The following DSC3 variants were observed in gnomAD, a reference collection of about 807,000 sequenced individuals.
DSC3 encodes desmocollin 3, also known as desmocollin-3.
A neutral mutation model predicts 89.5 loss-of-function variants in DSC3; 97 were observed. The observed-to-expected ratio is 1.08, with a 90% CI of 0.92 to 1.28. The LOEUF is 1.28. DSC3 is among the 50% of genes most tolerant of loss of function. DSC3 has a pLI of 0.00. For missense variants in DSC3, 1,199 were observed against 1,085.3 expected, an observed-to-expected ratio of 1.10 and a Z score of -1.47; for synonymous variants, 436 against 384.1, an observed-to-expected ratio of 1.14 and a Z score of -1.58.
chr18:31,024,885 T>A (rs2144720490), intron 5 of DSC3, among the ~76,000 whole-genome samples: 1 of 152,284 alleles, frequency 6.6e-6, no homozygotes, highest in Admixed American at 6.5e-5. Flanking sequence ...TCCCAATTTG[T>A]CACTATCAAA....
At chr18:30,994,632 A>T (rs1251479642) in intron 15 of DSC3, 1 of 611,176 alleles carries the variant, frequency 1.6e-6, no homozygotes, top group Non-Finnish European at 2.8e-6. Flanking sequence ...TCAAGTTGTC[A>T]TTAAATGCTT....
Position 31,018,199 on chromosome 18 carries a change from C to G in DSC3, c.1135G>C (p.Glu379Gln). ...GCAGTGTTAATTAAATCCTTATCTT[C>G]TATAGGTATTCGTAAGATTTCCACA... ...FNVEILRIPI[E>Q]DKDLINTANW... The change falls in exon 9 of 16, where the codon GAA becomes CAA. Residue 379 changes from glutamate to glutamine, a missense_variant. Glu to Gln is a conservative substitution (Grantham distance 29). Coordinates refer to ENST00000360428, the MANE Select transcript of DSC3 (RefSeq NM_001941.5). 1.2e-6 allele frequency: 2 copies of G among 1,612,264 alleles called. No individual in the cohort carries two copies. Among genetic ancestry groups the G allele is most frequent in the Non-Finnish European group, 1.7e-6 (2 of 1,179,042 alleles).
chr18:30,991,221 C>T lies in DSC3; in HGVS notation c.*2954G>A, dbSNP rs1029109114. The stretch of plus-strand genomic sequence containing the variant: ...TCTGTTTAAAACATTGCAAAACAAA[C>T]CCCACTGCATTTTAGACAGCTGCTT... On this transcript the variant is annotated 3_prime_UTR_variant, in exon 16 of 16. Transcript: ENST00000360428. The T allele has an allele frequency of 2.0e-5, 3 of 152,508 alleles. No homozygotes were observed. Among genetic ancestry groups the T allele is most frequent in the Admixed American group, 2.0e-4 (3 of 15,280 alleles). 9.4% of individuals were successfully genotyped at this position (152,508 alleles called of 1,614,324 possible). A position where few individuals can be genotyped will look rare whatever the true frequency, so the allele number is the denominator to read the frequency against.
intron 14 of DSC3, 131 bp downstream of exon 14, chr18:31,001,487 A>G (rs1305881089): frequency 9.8e-7 from 1 of 1,016,230 alleles, no homozygotes; most frequent in Non-Finnish European, 1.4e-6. Flanking sequence ...GAATATTGAC[A>G]GACAATATCT....
At chr18:31,030,149 A>G (rs1985732241) in intron 3 of DSC3, among the ~76,000 whole-genome samples, 1 of 152,216 alleles carries the variant, frequency 6.6e-6, no homozygotes, top group Non-Finnish European at 1.5e-5. Flanking sequence ...AAGAAGCTCT[A>G]TCCTTTGGTT....
At chr18:31,005,508 C>T (rs1984808224) in intron 12 of DSC3, among the ~76,000 whole-genome samples, 2 of 152,326 alleles carry the variant, frequency 1.3e-5, no homozygotes, top group South Asian at 4.1e-4. Context: ...ACACAAGGCC[C>T]TTCACCACCA....
At chr18:31,023,507 T>A (rs984331256) in intron 6 of DSC3, among the ~76,000 whole-genome samples, 5 of 152,184 alleles carry the variant, frequency 3.3e-5, no homozygotes, top group South Asian at 2.1e-4. Flanking sequence ...ATAATTTTTT[T>A]AAATTTTTAA....
At position 31,031,138 on chromosome 18, in the gene DSC3, G is replaced by A. The variant is rs144132725; in HGVS notation, c.189C>T (p.Leu63=). 40 of 1,613,232 alleles carry A rather than the reference G, an allele frequency of 2.5e-5. No individual in the cohort carries two copies. The highest frequency in any genetic ancestry group is 3.1e-5 in the Non-Finnish European group (37 of 1,179,778). Residue 63 remains leucine (L), a synonymous_variant, in exon 3 of 16, where the codon CTC becomes CTT. Transcript: ENST00000360428. ...TGAAATCAGGATCACTTGACCGGAT[G>A]AGGTCTGCAGACCTGAAGCACTCTT... The part of the protein sequence containing the change: ...NLEECFRSAD[L]IRSSDPDFRV...
chr18:31,025,518 C>T (rs889765511), intron 5 of DSC3, among the ~76,000 whole-genome samples: 2 of 152,076 alleles, frequency 1.3e-5, no homozygotes, highest in African/African-American at 2.4e-5. Context: ...ACATTTACAT[C>T]GAAATACTTT....
At position 30,996,801 on chromosome 18, in the gene DSC3, C is replaced by T. The variant is rs747997980; in HGVS notation, c.2483G>A (p.Arg828His). ...CCTAAGGAAACTCACTTCACCGAGA[C>T]GGGGTTGAGTAAAACTGTGCCACTC... ...YSEWHSFTQP[R>H]LGEKLHRCNQ... Residue 828 changes from arginine to histidine, a missense_variant, in exon 15 of 16, where the codon CGT becomes CAT. By Grantham distance (29) the Arg-to-His change is conservative. Transcript: ENST00000360428. 10 of 1,613,568 alleles carry T rather than the reference C, an allele frequency of 6.2e-6. No individual in the cohort carries two copies. Among genetic ancestry groups the T allele is most frequent in the East Asian group, 4.5e-5 (2 of 44,878 alleles).
Position 30,992,044 on chromosome 18 carries a change from A to G in DSC3, c.*2131T>C, listed in dbSNP as rs1004404297. ...GCCGGGCGTGGTGGTGGGCGCCTGT[A>G]GTCCCAGCTACTCAGGAGGCTGAGG... On this transcript the variant is annotated 3_prime_UTR_variant, in exon 16 of 16. Coordinates refer to ENST00000360428, the MANE Select transcript of DSC3 (RefSeq NM_001941.5). 6.6e-6 allele frequency: 1 copy of G among 151,716 alleles called. No individual in the cohort carries two copies. Among genetic ancestry groups the G allele is most frequent in the Non-Finnish European group, 1.5e-5 (1 of 68,026 alleles). The allele number at this position is 151,716 out of a possible 1,614,324, so 9.4% of individuals were successfully genotyped here.
In DSC3 at chr18:31,007,127, A is replaced by G. The variant is rs149117272; in HGVS notation, c.1668T>C (p.Asp556=). Reference sequence around the variant, plus strand: ...CAGCAAGTGTTCCAGTACATGATCTATCATCTAAGGAGACAGGAATAAGGT... The same window carrying G: ...CAGCAAGTGTTCCAGTACATGATCTGTCATCTAAGGAGACAGGAATAAGGT... ...NITVLAIDKD[D]RSCTGTLAVN... Residue 556 remains aspartate (D), a synonymous_variant, in exon 12 of 16, where the codon GAT becomes GAC. Transcript: ENST00000360428. 113 of 1,609,182 alleles carry G rather than the reference A, an allele frequency of 7.0e-5. No individual in the cohort carries two copies. The highest frequency in any genetic ancestry group is 9.1e-5 in the Non-Finnish European group (107 of 1,175,778).
chr18:30,991,925 G>A lies in DSC3; in HGVS notation c.*2250C>T, dbSNP rs1198184731. ...TCATGCCTGTAATCCCAGCACTTTG[G>A]GAGGCCGAGGCAGGCGGATCACGAG... On this transcript the variant is annotated 3_prime_UTR_variant, in exon 16 of 16. Coordinates refer to ENST00000360428, the MANE Select transcript of DSC3 (RefSeq NM_001941.5). 2 of 152,146 alleles carry A rather than the reference G, an allele frequency of 1.3e-5. No homozygotes were observed. The highest frequency in any genetic ancestry group is 2.4e-5 in the African/African-American group (1 of 41,426). 9.4% of individuals were successfully genotyped at this position (152,146 alleles called of 1,614,324 possible). A position where few individuals can be genotyped will look rare whatever the true frequency, so the allele number is the denominator to read the frequency against.
chr18:31,017,412 C>T (rs1436193468), intron 9 of DSC3, among the ~76,000 whole-genome samples: 2 of 152,108 alleles, frequency 1.3e-5, no homozygotes, highest in East Asian at 1.9e-4. Flanking sequence ...ACCAATGATC[C>T]TTTTCAAACA....
At chr18:31,028,037 G>A (rs1985657967) in intron 4 of DSC3, among the ~76,000 whole-genome samples, 1 of 151,950 alleles carries the variant, frequency 6.6e-6, no homozygotes, top group South Asian at 2.1e-4. Flanking sequence ...AAACTTCCAA[G>A]TGTTAATATC....
chr18:31,014,197 C>G (rs1010776486), intron 9 of DSC3, among the ~76,000 whole-genome samples: 2 of 151,748 alleles, frequency 1.3e-5, no homozygotes, highest in African/African-American at 4.8e-5. Flanking sequence ...AGATATGGAA[C>G]TGGTTAAAAA....
At chr18:30,995,352 A>G (rs1598595068) in intron 15 of DSC3, among the ~76,000 whole-genome samples, 1 of 152,248 alleles carries the variant, frequency 6.6e-6, no homozygotes, top group Non-Finnish European at 1.5e-5. Flanking sequence ...ACTGTCTAGA[A>G]GTAGAAAAAG....
chr18:31,030,627 A>C (rs1289804517), intron 3 of DSC3, among the ~76,000 whole-genome samples: 1 of 152,122 alleles, frequency 6.6e-6, no homozygotes, highest in East Asian at 1.9e-4. Context: ...CCAAAACCAG[A>C]GTTCAACAAG....
At chr18:31,033,565 C>T (rs1037990370) in intron 1 of DSC3, among the ~76,000 whole-genome samples, 9 of 152,028 alleles carry the variant, frequency 5.9e-5, no homozygotes, top group African/African-American at 1.2e-4. Context: ...TGAATTTGAA[C>T]GCCTACCTCA....
Sources: gnomAD v4.1 joint callset for allele counts (sites outside exome capture counted in the v4.1 genomes callset) on GRCh38, gnomAD v4.1.1 for gene constraint, MANE v1.5 for transcripts, NCBI Gene and HGNC (gene_info 2026-07-23, HGNC 2026-07-21) for gene names.